ZNF451: variants seen among roughly 807,000 people sequenced by gnomAD.
ZNF451 encodes zinc finger protein 451, also known as E3 SUMO-protein ligase ZNF451.
A neutral mutation model predicts 107.1 loss-of-function variants in ZNF451; 80 were observed. The ratio of observed to expected loss-of-function variants is 0.75; its 90% CI spans 0.62 to 0.90. The LOEUF (loss-of-function observed/expected upper bound fraction) is 0.90. Ranked by LOEUF, ZNF451 falls within the 40% of genes least tolerant of loss-of-function variation. The pLI, the probability that ZNF451 is intolerant of heterozygous loss-of-function variation, is 0.00. For missense variants in ZNF451, 1,107 were observed against 1,236.2 expected (o/e 0.90, Z 1.57); for synonymous variants, 362 against 406.5 (o/e 0.89, Z 1.32).
In ZNF451 at chr6:57,148,619, A is replaced by C. The variant is rs775335373; in HGVS notation, c.2534A>C (p.Lys845Thr). The C allele has an allele frequency of 1.2e-6, 2 of 1,613,978 alleles. No homozygotes were observed. Among genetic ancestry groups the C allele is most frequent in the Non-Finnish European group, 1.7e-6 (2 of 1,179,950 alleles). Reference sequence around the variant, plus strand: ...GCCTCACATACAGAGAGAAAACTGAAACAGGCAATAAACTATTCAAAAAGT... The same window carrying C: ...GCCTCACATACAGAGAGAAAACTGACACAGGCAATAAACTATTCAAAAAGT... ...ASASHTERKLKQAINYSKSLD... is the reference protein window; with the variant it reads ...ASASHTERKLTQAINYSKSLD... The change falls in exon 10 of 15, where the codon AAA (lysine) becomes ACA (threonine). Residue 845 changes from lysine (K) to threonine (T), a missense_variant. Coordinates refer to ENST00000370706, the MANE Select transcript of ZNF451 (RefSeq NM_001031623.3).
intron 14 of ZNF451, among the ~76,000 whole-genome samples, chr6:57,163,836 G>T (rs1345541163): frequency 6.6e-6 from 1 of 152,118 alleles, no homozygotes; most frequent in Non-Finnish European, 1.5e-5. Context: ...AATTAAGATA[G>T]AGGCTATTTT....
intron 14 of ZNF451, among the ~76,000 whole-genome samples, chr6:57,168,213 A>C (rs1407970598): frequency 6.6e-6 from 1 of 152,186 alleles, no homozygotes; most frequent in Non-Finnish European, 1.5e-5. Flanking sequence ...TTCTAAGTTC[A>C]TATATAAAAT....
chr6:57,107,899 T>C, intron 3 of ZNF451: 1 of 788,758 alleles, frequency 1.3e-6, no homozygotes, highest in Non-Finnish European at 1.5e-6. Context: ...AGTACAGTGG[T>C]GAGATCACGG....
At chr6:57,100,453 C>T (rs1257080166) in intron 3 of ZNF451, 13 of 953,368 alleles carry the variant, frequency 1.4e-5, no homozygotes, top group South Asian at 2.6e-5. Flanking sequence ...CTTTTGCTGA[C>T]CTTGAGTGGA....
intron 14 of ZNF451, among the ~76,000 whole-genome samples, chr6:57,164,394 G>A (rs967251422): frequency 1.3e-5 from 2 of 152,120 alleles, no homozygotes; most frequent in Non-Finnish European, 2.9e-5. Context: ...TGCTGCTAAT[G>A]TTACTGGGAT....
chr6:57,096,478 G>T (rs949136588), intron 2 of ZNF451, among the ~76,000 whole-genome samples: 1 of 151,556 alleles, frequency 6.6e-6, no homozygotes, highest in Non-Finnish European at 1.5e-5. Flanking sequence ...GAGCCACCGT[G>T]CCCAGCCTGT....
rs1272243377 is a variant in ZNF451, at chr6:57,147,364, C to T, written c.1279C>T (p.Leu427Phe). The T allele has an allele frequency of 1.2e-6, 2 of 1,614,120 alleles. No individual in the cohort carries two copies. Among genetic ancestry groups the T allele is most frequent in the African/African-American group, 2.7e-5 (2 of 75,056 alleles). The change falls in exon 10 of 15, where the codon CTT (leucine) becomes TTT (phenylalanine). Residue 427 changes from leucine to phenylalanine, a missense_variant. By Grantham distance (22) the Leu-to-Phe change is conservative (BLOSUM62 0). Around this residue, in one of 5 missense-constraint regions of ZNF451, gnomAD observed 608 missense variants for 649.2 expected, o/e 0.94. Transcript: ENST00000370706. ...LLLDQSKFSSLKRTMSIKESS... is the reference protein window; with the variant it reads ...LLLDQSKFSSFKRTMSIKESS... ...GTTGGATCAATCAAAATTTTCATCA[C>T]TTAAAAGAACCATGTCTATTAAAGA...
At chr6:57,153,142 A>G (rs1420175872) in intron 12 of ZNF451, among the ~76,000 whole-genome samples, 2 of 152,120 alleles carry the variant, frequency 1.3e-5, no homozygotes, top group African/African-American at 4.8e-5. Flanking sequence ...AAACAACAAA[A>G]GATTTCTTTT....
intron 3 of ZNF451, among the ~76,000 whole-genome samples, chr6:57,113,652 C>T (rs554801281): frequency 2.1e-5 from 3 of 144,300 alleles, no homozygotes; most frequent in East Asian, 2.0e-4. Context: ...GATGGAGTCT[C>T]GCTCTGTCAC....
chr6:57,098,313 A>G (rs1441751688), intron 2 of ZNF451, among the ~76,000 whole-genome samples: 2 of 151,870 alleles, frequency 1.3e-5, no homozygotes, highest in African/African-American at 4.8e-5. Flanking sequence ...GATTACAGAC[A>G]TGAGCCACCA....
At chr6:57,094,611 T>C (rs1262939408) in intron 2 of ZNF451, among the ~76,000 whole-genome samples, 4 of 152,208 alleles carry the variant, frequency 2.6e-5, no homozygotes, top group African/African-American at 9.7e-5. Context: ...AAGATATAAG[T>C]AGTAATTATA....
intron 5 of ZNF451, among the ~76,000 whole-genome samples, chr6:57,130,591 C>G (rs1831136966): frequency 6.6e-6 from 1 of 152,138 alleles, no homozygotes; most frequent in African/African-American, 2.4e-5. Context: ...TCTCATGAGT[C>G]TGACACTTTC....
At chr6:57,123,724 A>G (rs1830758900) in intron 3 of ZNF451, among the ~76,000 whole-genome samples, 1 of 152,206 alleles carries the variant, frequency 6.6e-6, no homozygotes, top group Non-Finnish European at 1.5e-5. Context: ...AGTTTTCTTC[A>G]TAAAGATGTA....
intron 7 of ZNF451, among the ~76,000 whole-genome samples, chr6:57,138,703 C>CCA (rs1420150159): frequency 3.4e-4 from 17 of 50,012 alleles, no homozygotes; most frequent in African/African-American, 1.4e-3. Context: ...TGCAGCTATG[C>CCA]CATATATATA....
intron 14 of ZNF451, among the ~76,000 whole-genome samples, chr6:57,161,914 A>G (rs548597660): frequency 1.3e-5 from 2 of 152,334 alleles, no homozygotes; most frequent in South Asian, 2.1e-4. Flanking sequence ...ATTTCCTTCC[A>G]TAGGTTAAAG....
Position 57,107,271 on chromosome 6 carries a change from G to A in ZNF451, c.186+8130G>A, listed in dbSNP as rs1656266652. The A allele has an allele frequency of 3.0e-6, 3 of 985,166 alleles. No homozygotes were observed. The African/African-American group carries it at 5.2e-5, about 17-fold the overall frequency. 61.0% of individuals were successfully genotyped at this position (985,166 alleles called of 1,614,324 possible). ...CTGATCTTCCCATAATCGCTTTGAT[G>A]TAGATGATATTTTTATTCTATCAGT... On this transcript the variant is annotated intron_variant, in intron 3 of 14. Coordinates refer to ENST00000370706, the MANE Select transcript of ZNF451 (RefSeq NM_001031623.3).
chr6:57,108,078 A>T (rs1829951985), intron 3 of ZNF451: 1 of 812,246 alleles, frequency 1.2e-6, no homozygotes, highest in Admixed American at 6.2e-5. Context: ...GAACCTTGTG[A>T]TCCACCTACC....
At chr6:57,094,354 G>A (rs1416947369) in intron 2 of ZNF451, among the ~76,000 whole-genome samples, 1 of 151,534 alleles carries the variant, frequency 6.6e-6, no homozygotes, top group Non-Finnish European at 1.5e-5. Context: ...TCTTGCCCAG[G>A]CTGGAGTGCA....
At chr6:57,102,925 A>G (rs1829674415) in intron 3 of ZNF451, 10 of 985,336 alleles carry the variant, frequency 1.0e-5, no homozygotes, top group Non-Finnish European at 1.2e-5. Context: ...TCTTTGACCT[A>G]TCAAGCTCTC....
Sources: gnomAD v4.1 joint callset for allele counts (sites outside exome capture counted in the v4.1 genomes callset) on GRCh38, gnomAD v4.1.1 for gene constraint, gnomAD v4.1.1 regional missense constraint, MANE v1.5 for transcripts, NCBI Gene and HGNC (gene_info 2026-07-23, HGNC 2026-07-21) for gene names.